The following MAZ variants were observed in gnomAD, a reference collection of about 807,000 sequenced individuals.
MAZ encodes myc-associated zinc finger protein.
A neutral mutation model predicts 32.7 loss-of-function variants in MAZ; 4 were observed. The ratio of observed to expected loss-of-function variants is 0.12; its 90% confidence interval spans 0.06 to 0.28. MAZ has a LOEUF of 0.28. MAZ is among the 10% of genes least tolerant of loss of function. The pLI, the probability that MAZ is intolerant of heterozygous loss-of-function variation, is 1.00. For synonymous variants in MAZ, 510 were observed against 297.6 expected (o/e 1.71, Z -7.35); for missense variants, 763 against 667.2 (o/e 1.14, Z -1.58).
At chr16:29,808,843 G>A (rs1405440309) in intron 4 of MAZ, 102 bp downstream of exon 4, 2 of 1,195,240 alleles carry the variant, frequency 1.7e-6, no homozygotes, top group East Asian at 2.5e-5. Context: ...CCAAGAGCTC[G>A]TGGCGTCTAG....
chr16:29,806,497 T>TCGC, upstream of MAZ: 2 of 331,268 alleles, frequency 6.0e-6, no homozygotes, highest in Non-Finnish European at 8.1e-6. Flanking sequence ...GCCGCCGCCG[T>TCGC]CGCCGCGGCG....
In MAZ at chr16:29,810,117, GGCGGCA is replaced by G. The variant is rs760377330; in HGVS notation, c.1329_1334del (p.Ala447_Ala448del). Reference sequence around the variant, plus strand: ...GTCCAATGGCGGCGGCAGCGGCAGCGGCGGCAGCGGCAGCAGCGGCAGCAGTAGCAG... The same window carrying G: ...GTCCAATGGCGGCGGCAGCGGCAGCGGCGGCAGCAGCGGCAGCAGTAGCAG... On this transcript the variant is annotated inframe_deletion, in exon 5 of 5. Coordinates refer to ENST00000322945, the MANE Select transcript of MAZ (RefSeq NM_002383.4). 6.1e-5 allele frequency: 95 copies of G among 1,570,014 alleles called. 1 individual carries two copies. The highest frequency in any genetic ancestry group is 1.8e-4 in the Middle Eastern group (1 of 5,510).
chr16:29,808,353 C>G, intron 3 of MAZ, 60 bp downstream of exon 3: 1 of 1,514,094 alleles, frequency 6.6e-7, no homozygotes, highest in Non-Finnish European at 9.2e-7. Flanking sequence ...TGGTAGCTGT[C>G]TGAGTCAGTC....
At chr16:29,806,154 A>T, upstream of MAZ, 2 of 999,322 alleles carry the variant, frequency 2.0e-6, no homozygotes, top group Admixed American at 3.6e-5. Flanking sequence ...CATGGATCCC[A>T]GCAACTGGAG....
Position 29,810,364 on chromosome 16 carries a change from A to T in MAZ, c.*133A>T. On this transcript the variant is annotated 3_prime_UTR_variant, in exon 5 of 5. Coordinates refer to ENST00000322945, the MANE Select transcript of MAZ (RefSeq NM_002383.4). ...AGCCTCCAGAAGGAAAGGAGGAAGA[A>T]ATGTTTTCTTAGGGGAATTCGCTAG... is the stretch of plus-strand genomic sequence containing the variant. 1 of 968,426 alleles carries T rather than the reference A, an allele frequency of 1.0e-6. No homozygotes were observed. The highest frequency in any genetic ancestry group is 1.6e-6 in the Non-Finnish European group (1 of 626,214). 60.0% of individuals were successfully genotyped at this position (968,426 alleles called of 1,614,324 possible). A position where few individuals can be genotyped will look rare whatever the true frequency, so the allele number is the denominator to read the frequency against.
At chr16:29,809,356 C>T (rs1899769694) in intron 4 of MAZ, 3 of 593,418 alleles carry the variant, frequency 5.1e-6, no homozygotes, top group South Asian at 4.1e-5. Flanking sequence ...CAAGCCAGGC[C>T]CCAGGCTCAG....
At chr16:29,808,139 G>A in intron 2 of MAZ, 91 bp from the exon 3 acceptor site, 2 of 1,201,466 alleles carry the variant, frequency 1.7e-6, no homozygotes, top group African/African-American at 1.5e-5. Context: ...CCGGGAGGAG[G>A]CGCAGGGATC....
At chr16:29,809,020 A>G in intron 4 of MAZ, 1 of 550,456 alleles carries the variant, frequency 1.8e-6, no homozygotes, top group Non-Finnish European at 3.2e-6. Flanking sequence ...GGAGTAGTCA[A>G]GAAAGCCAGT....
chr16:29,808,520 CA>C, intron 3 of MAZ, 49 bp from the exon 4 acceptor site: 1 of 1,379,532 alleles, frequency 7.2e-7, no homozygotes, highest in Non-Finnish European at 1.0e-6. Flanking sequence ...CCCAGCCCAC[CA>C]AGCTTTAACT....
Position 29,806,640 on chromosome 16 carries a change from C to T in MAZ, c.-62C>T. The T allele has an allele frequency of 1.0e-6, 1 of 969,402 alleles. No individual in the cohort carries two copies. The highest frequency in any genetic ancestry group is 1.2e-6 in the Non-Finnish European group (1 of 817,964). The allele number at this position is 969,402 out of a possible 1,614,324, so 60.1% of individuals were successfully genotyped here. A position where few individuals can be genotyped will look rare whatever the true frequency, so the allele number is the denominator to read the frequency against. On this transcript the variant is annotated 5_prime_UTR_variant, in exon 1 of 5. Transcript: ENST00000322945. The stretch of plus-strand genomic sequence containing the variant: ...CCGGGGGCGGCGCCCCGAGCCCGGG[C>T]CCCGCGCGGCCCGCGCCCCCGGCCC...
intron 2 of MAZ, 28 bp downstream of exon 2, chr16:29,807,856 A>G: frequency 6.3e-7 from 1 of 1,593,186 alleles, no homozygotes. Context: ...GCCGCCCGCT[A>G]GGCCGTGGGG....
chr16:29,809,949 C>T lies in MAZ; in HGVS notation c.1280-128C>T, dbSNP rs182392729. The stretch of plus-strand genomic sequence containing the variant: ...TCTGGGTGAGGATGCAGGCTGAGGC[C>T]TCTGGGGTCCAGATAGGAAGTGAGC... On this transcript the variant is annotated intron_variant, in intron 4 of 4. Coordinates refer to ENST00000322945, the MANE Select transcript of MAZ (RefSeq NM_002383.4). 92 of 1,459,446 alleles carry T rather than the reference C, an allele frequency of 6.3e-5. No individual in the cohort carries two copies. The African/African-American group carries it at 1.2e-3, about 19-fold the overall frequency. The allele number at this position is 1,459,446 out of a possible 1,614,324, so 90.4% of individuals were successfully genotyped here. A position where few individuals can be genotyped will look rare whatever the true frequency, so the allele number is the denominator to read the frequency against.
In MAZ at chr16:29,809,803, T is replaced by G. The variant is rs1596879271; in HGVS notation, c.1280-274T>G. 1.1e-5 allele frequency: 12 copies of G among 1,126,110 alleles called. No homozygotes were observed. Among genetic ancestry groups the G allele is most frequent in the Non-Finnish European group, 1.3e-5 (11 of 823,190 alleles). 69.8% of individuals were successfully genotyped at this position (1,126,110 alleles called of 1,614,324 possible). A position where few individuals can be genotyped will look rare whatever the true frequency, so the allele number is the denominator to read the frequency against. ...CATGGCTGGGGGGCGGGATGGGGGG[T>G]GTGGGGGACAACGGGGCTCAAAGGG... On this transcript the variant is annotated intron_variant, in intron 4 of 4. Coordinates refer to ENST00000322945, the MANE Select transcript of MAZ (RefSeq NM_002383.4).
chr16:29,810,507 C>T lies in MAZ; in HGVS notation c.*276C>T. 1.4e-6 allele frequency: 1 copy of T among 701,878 alleles called. No individual in the cohort carries two copies. The highest frequency in any genetic ancestry group is 2.6e-6 in the Non-Finnish European group (1 of 384,906). The allele number at this position is 701,878 out of a possible 1,614,324, so 43.5% of individuals were successfully genotyped here. On this transcript the variant is annotated 3_prime_UTR_variant, in exon 5 of 5. Transcript: ENST00000322945. ...GGGCAGGGGTGGCAGAGGACACGAG[C>T]AGCCACTGCCCGTACCCCCTCTCCT...
rs1354785963 is a variant in MAZ, at chr16:29,810,586, C to T, written c.*355C>T. ...GGGACTTGTGAGCCTCTTCCCTCGA[C>T]GGTCCTCTTCTCTCCTTCCAGTCCT... is the stretch of plus-strand genomic sequence containing the variant. On this transcript the variant is annotated 3_prime_UTR_variant, in exon 5 of 5. Transcript: ENST00000322945. 4.4e-6 allele frequency: 3 copies of T among 689,086 alleles called. No individual in the cohort carries two copies. Among genetic ancestry groups the T allele is most frequent in the South Asian group, 1.5e-5 (1 of 66,372 alleles). The allele number at this position is 689,086 out of a possible 1,614,324, so 42.7% of individuals were successfully genotyped here. A position where few individuals can be genotyped will look rare whatever the true frequency, so the allele number is the denominator to read the frequency against.
chr16:29,809,345 A>G, intron 4 of MAZ: 1 of 587,464 alleles, frequency 1.7e-6, no homozygotes, highest in Non-Finnish European at 3.0e-6. Context: ...CGGGCACCAC[A>G]CAAGCCAGGC....
rs550888984 is a variant in MAZ at position 29,810,583 on chromosome 16, C to T, written c.*352C>T. ...CCAGGGACTTGTGAGCCTCTTCCCT[C>T]GACGGTCCTCTTCTCTCCTTCCAGT... On this transcript the variant is annotated 3_prime_UTR_variant, in exon 5 of 5. Transcript: ENST00000322945. 1 of 692,918 alleles carries T rather than the reference C, an allele frequency of 1.4e-6. No homozygotes were observed. 42.9% of individuals were successfully genotyped at this position (692,918 alleles called of 1,614,324 possible).
Position 29,807,267 on chromosome 16 carries a change from C to T in MAZ, c.482C>T (p.Ala161Val). 3.4e-6 allele frequency: 5 copies of T among 1,453,314 alleles called. No homozygotes were observed. The highest frequency in any genetic ancestry group is 3.6e-6 in the Non-Finnish European group (4 of 1,101,112). The allele number at this position is 1,453,314 out of a possible 1,614,324, so 90.0% of individuals were successfully genotyped here. A position where few individuals can be genotyped will look rare whatever the true frequency, so the allele number is the denominator to read the frequency against. The change falls in exon 2 of 5, where the codon GCC (alanine) becomes GTC (valine). Residue 161 changes from alanine (A) to valine (V), a missense_variant. Coordinates refer to ENST00000322945, the MANE Select transcript of MAZ (RefSeq NM_002383.4). ...ASAATIAAAA[A>V]TAVVAPTSTV... ...GCCGCCACTATCGCCGCGGCGGCGGCCACCGCCGTCGTAGCCCCAACCTCG... is the reference window on the plus strand; with the variant it reads ...GCCGCCACTATCGCCGCGGCGGCGGTCACCGCCGTCGTAGCCCCAACCTCG...
intron 2 of MAZ, 143 bp from the exon 3 acceptor site, chr16:29,808,087 G>A (rs1411173743): frequency 6.1e-6 from 6 of 976,760 alleles, no homozygotes; most frequent in Admixed American, 4.4e-5. Context: ...GGGCTCCAGG[G>A]GAGGGATTTC....
Sources: allele counts gnomAD v4.1 joint callset, GRCh38; gene constraint gnomAD v4.1.1; transcripts MANE v1.5; gene names NCBI Gene and HGNC (gene_info 2026-07-23, HGNC 2026-07-21).